MRGPRX3: variants seen among roughly 807,000 people sequenced by gnomAD.
The protein encoded by MRGPRX3 is mas-related G protein-coupled receptor member X3.
Under a neutral mutation model 16.5 loss-of-function variants are expected in MRGPRX3, and 14 were observed. That is an observed-to-expected ratio of 0.85 (90% CI 0.56 to 1.33). The LOEUF (loss-of-function observed/expected upper bound fraction) is 1.33, where lower values mean the gene tolerates loss of function less well. Among genes scored for constraint, MRGPRX3 ranks in the 40% most tolerant of loss-of-function variants. The pLI, the probability that MRGPRX3 is intolerant of heterozygous loss-of-function variation, is 0.00. For synonymous variants in MRGPRX3, 199 were observed against 180.1 expected (o/e 1.10, Z -0.84); for missense variants, 449 against 413.0 (o/e 1.09, Z -0.76).
rs1849034091 is a variant in MRGPRX3, at chr11:18,138,251, T to C, written c.*80T>C. On this transcript the variant is annotated 3_prime_UTR_variant, in exon 2 of 2. Transcript: ENST00000621697. ...CCTTGACAATTATATGCATTTTTCT[T>C]AGCCTTCTGCCTCAGAAATGTCTCA... 1 of 1,514,676 alleles carries C rather than the reference T, an allele frequency of 6.6e-7. No homozygotes were observed. The highest frequency in any genetic ancestry group is 2.3e-5 in the Admixed American group (1 of 44,306). The allele number at this position is 1,514,676 out of a possible 1,614,324, so 93.8% of individuals were successfully genotyped here. A position where few individuals can be genotyped will look rare whatever the true frequency, so the allele number is the denominator to read the frequency against.
chr11:18,133,836 G>T (rs1329538133), intron 1 of MRGPRX3, among the ~76,000 whole-genome samples: 1 of 152,198 alleles, frequency 6.6e-6, no homozygotes, highest in Non-Finnish European at 1.5e-5. Flanking sequence ...GAAATCCCAA[G>T]GTGCTTTCCT....
At chr11:18,122,109 A>C (rs552008432) in intron 1 of MRGPRX3, among the ~76,000 whole-genome samples, 2 of 151,836 alleles carry the variant, frequency 1.3e-5, no homozygotes, top group South Asian at 2.1e-4. Flanking sequence ...TGCAAAAAAA[A>C]CTGCATTGCT....
chr11:18,138,184 G>A lies in MRGPRX3; in HGVS notation c.*13G>A, dbSNP rs757361397. The A allele has an allele frequency of 1.3e-6, 2 of 1,590,080 alleles. No homozygotes were observed. Among genetic ancestry groups the A allele is most frequent in the South Asian group, 1.1e-5 (1 of 87,662 alleles). On this transcript the variant is annotated 3_prime_UTR_variant, in exon 2 of 2. Coordinates refer to ENST00000621697, the MANE Select transcript of MRGPRX3 (RefSeq NM_001370464.1). ...ATTGGAGCAGTGAGGAAGAACCTCT[G>A]CCCTGTCAGACAGGACTTTGAGAGC...
At chr11:18,121,870 C>T (rs1307894715) in intron 1 of MRGPRX3, among the ~76,000 whole-genome samples, 4 of 152,090 alleles carry the variant, frequency 2.6e-5, no homozygotes, top group Non-Finnish European at 5.9e-5. Context: ...TGCGGAAGGC[C>T]TCAGGGTCCT....
At chr11:18,121,880 T>A (rs1221981123) in intron 1 of MRGPRX3, among the ~76,000 whole-genome samples, 2 of 152,078 alleles carry the variant, frequency 1.3e-5, no homozygotes, top group African/African-American at 2.4e-5. Context: ...CTCAGGGTCC[T>A]CTGCCTAGGA....
chr11:18,132,544 C>G (rs1231956991), upstream of MRGPRX3: 1 of 152,190 alleles, frequency 6.6e-6, no homozygotes, highest in East Asian at 1.9e-4. Context: ...GCCCATAGTC[C>G]TCATACAGGA....
upstream of MRGPRX3, among the ~76,000 whole-genome samples, chr11:18,127,590 T>A (rs796257736): frequency 6.6e-6 from 1 of 152,246 alleles, no homozygotes; most frequent in Non-Finnish European, 1.5e-5. Flanking sequence ...GCATTCATCA[T>A]GTAGTTCTCG....
chr11:18,137,030 G>T (rs903268221), intron 1 of MRGPRX3, 148 bp from the exon 2 acceptor site: 73 of 813,082 alleles, frequency 9.0e-5, no homozygotes, highest in Non-Finnish European at 1.3e-4. Flanking sequence ...AACTGGATTT[G>T]AGGACCCCCA....
chr11:18,129,207 T>C (rs1447712534), upstream of MRGPRX3, among the ~76,000 whole-genome samples: 3 of 151,998 alleles, frequency 2.0e-5, no homozygotes, highest in African/African-American at 7.2e-5. Flanking sequence ...CAGAACTAAT[T>C]GAAACTGAAG....
At chr11:18,127,137 T>A (rs1423058941) in intron 1 of MRGPRX3, among the ~76,000 whole-genome samples, 1 of 152,200 alleles carries the variant, frequency 6.6e-6, no homozygotes, top group African/African-American at 2.4e-5. Context: ...TGCCGAGAGA[T>A]CCACTGTTAT....
At position 18,137,473 on chromosome 11, in the gene MRGPRX3, C is replaced by T. The variant is rs753026066; in HGVS notation, c.271C>T (p.Arg91Cys). ...ICSPLRLINI[R>C]HPISKILSPV... ...TTCGCCGTTACGCCTCATCAATATC[C>T]GCCATCCCATCTCCAAAATCCTCAG... Residue 91 changes from arginine (R) to cysteine (C), a missense_variant, in exon 2 of 2, where the codon CGC becomes TGC. By Grantham distance (180) the Arg-to-Cys change is radical (BLOSUM62 -3). Transcript: ENST00000621697. The T allele has an allele frequency of 3.2e-5, 51 of 1,614,034 alleles. No homozygotes were observed. The highest frequency in any genetic ancestry group is 4.1e-5 in the Non-Finnish European group (48 of 1,180,034).
upstream of MRGPRX3, among the ~76,000 whole-genome samples, chr11:18,127,627 C>T (rs200507048): frequency 8.8e-3 from 1,095 of 125,066 alleles, no homozygotes; most frequent in South Asian, 0.011. Context: ...TCCATCAGGT[C>T]CTTTAAGGAC....
intron 1 of MRGPRX3, among the ~76,000 whole-genome samples, chr11:18,122,123 A>C (rs1848846320): frequency 9.9e-6 from 1 of 101,230 alleles, no homozygotes; most frequent in Admixed American, 8.8e-5. Flanking sequence ...CATTGCTTGC[A>C]TGCAAAAAAA....
intron 1 of MRGPRX3, among the ~76,000 whole-genome samples, chr11:18,123,718 T>G (rs1466383918): frequency 6.6e-6 from 1 of 152,244 alleles, no homozygotes; most frequent in Non-Finnish European, 1.5e-5. Context: ...TTTCCAATTC[T>G]GTGAAGAAAG....
chr11:18,123,839 T>C (rs954747225), intron 1 of MRGPRX3, among the ~76,000 whole-genome samples: 9 of 152,208 alleles, frequency 5.9e-5, no homozygotes, highest in Admixed American at 4.6e-4. Context: ...GTTCTTCCAT[T>C]TGTTTGTATC....
At chr11:18,124,852 A>T (rs1848875518) in intron 1 of MRGPRX3, among the ~76,000 whole-genome samples, 2 of 152,252 alleles carry the variant, frequency 1.3e-5, no homozygotes, top group Admixed American at 6.5e-5. Context: ...GTTAATTATT[A>T]CCTCAATTTC....
intron 1 of MRGPRX3, among the ~76,000 whole-genome samples, chr11:18,122,738 C>T (rs1248180362): frequency 5.3e-5 from 8 of 152,000 alleles, no homozygotes; most frequent in South Asian, 2.1e-4. Flanking sequence ...TATTTCTAGT[C>T]CTAGATCCTT....
upstream of MRGPRX3, among the ~76,000 whole-genome samples, chr11:18,129,880 CA>C (rs759666979): frequency 6.6e-6 from 1 of 152,160 alleles, no homozygotes; most frequent in Non-Finnish European, 1.5e-5. Context: ...TTAACATACA[CA>C]AGTCAATAAA....
intron 1 of MRGPRX3, among the ~76,000 whole-genome samples, chr11:18,122,011 A>AAAAAAAAG (rs1043950618): frequency 1.4e-5 from 1 of 71,990 alleles, no homozygotes; most frequent in African/African-American, 3.6e-5. Context: ...ATAAAATTTA[A>AAAAAAAAG]AAAAAAAGAA....
Sources: gnomAD v4.1 joint callset for allele counts (sites outside exome capture counted in the v4.1 genomes callset) on GRCh38, gnomAD v4.1.1 for gene constraint, MANE v1.5 for transcripts, NCBI Gene and HGNC (gene_info 2026-07-23, HGNC 2026-07-21) for gene names.